PCDH12: variants seen among roughly 807,000 people sequenced by gnomAD.
The protein encoded by PCDH12 is protocadherin-12.
A neutral mutation model predicts 70.9 loss-of-function variants in PCDH12; 45 were observed. The ratio of observed to expected loss-of-function variants is 0.63; its 90% CI spans 0.50 to 0.81. PCDH12 has a LOEUF of 0.81. Ranked by LOEUF, PCDH12 falls within the 40% of genes least tolerant of loss-of-function variation. The pLI, the probability that PCDH12 is intolerant of heterozygous loss-of-function variation, is 0.00. For missense variants in PCDH12, 1,370 were observed against 1,491.7 expected, an observed-to-expected ratio of 0.92 and a Z score of 1.34; for synonymous variants, 567 against 626.0, an observed-to-expected ratio of 0.91 and a Z score of 1.41.
At chr5:141,954,433 A>G (rs750854596) in intron 1 of PCDH12, among the ~76,000 whole-genome samples, 1 of 152,228 alleles carries the variant, frequency 6.6e-6, no homozygotes, top group Non-Finnish European at 1.5e-5. Flanking sequence ...TACTGACTAC[A>G]TGTCAGATGG....
In PCDH12 at chr5:141,949,460, CTCT is replaced by C. The variant is rs1466972376; in HGVS notation, c.3099_3101del (p.Glu1034del). 4.3e-6 allele frequency: 7 copies of C among 1,613,826 alleles called. No individual in the cohort carries two copies. Among genetic ancestry groups the C allele is most frequent in the Non-Finnish European group, 5.9e-6 (7 of 1,179,914 alleles). On this transcript the variant is annotated inframe_deletion, in exon 3 of 4. Transcript: ENST00000231484. Reference sequence around the variant, plus strand: ...TGCTGGGGTCCAGCAGACTTGACAGCTCTTCTTCTAGCAGTTGCTTCACAGAGA... The same window carrying C: ...TGCTGGGGTCCAGCAGACTTGACAGCTCTTCTAGCAGTTGCTTCACAGAGA...
Position 141,943,754 on chromosome 5 carries a change from G to A in PCDH12, c.*1627C>T, listed in dbSNP as rs547334364. ...TCTCACTGGCCCACAGAACCCAACA[G>A]TTCTGTGATCCAGCCTGAAAATCAC... On this transcript the variant is annotated 3_prime_UTR_variant, in exon 4 of 4. Transcript: ENST00000231484. The A allele has an allele frequency of 6.6e-6, 1 of 152,110 alleles. No individual in the cohort carries two copies. Among genetic ancestry groups the A allele is most frequent in the Non-Finnish European group, 1.5e-5 (1 of 68,024 alleles). 9.4% of individuals were successfully genotyped at this position (152,110 alleles called of 1,614,324 possible).
rs202168396 is a variant in PCDH12 at position 141,945,771 on chromosome 5, C to G, written c.3165G>C (p.Pro1055=). 1.2e-6 allele frequency: 2 copies of G among 1,613,574 alleles called. No homozygotes were observed. The highest frequency in any genetic ancestry group is 8.5e-7 in the Non-Finnish European group (1 of 1,179,944). ...GCAAAGAGAGTCTCGCCATCCAGGC[C>G]GGGTCAGGGGCGCTCAGCCGGTCCA... ...LALDRLSAPD[P]AWMARLSLPL... The change falls in exon 4 of 4, where the codon CCG becomes CCC. Residue 1055 remains proline (P), a synonymous_variant. Transcript: ENST00000231484.
At chr5:141,949,121 G>C (rs1391302490) in intron 3 of PCDH12, among the ~76,000 whole-genome samples, 1 of 151,900 alleles carries the variant, frequency 6.6e-6, no homozygotes, top group African/African-American at 2.4e-5. Context: ...CTACTTGGGA[G>C]GCTAAGGTGG....
In PCDH12 at chr5:141,957,150, G is replaced by A. The variant is rs761994268; in HGVS notation, c.702C>T (p.Val234=). The change falls in exon 1 of 4, where the codon GTC becomes GTT. Residue 234 remains valine, a synonymous_variant. Coordinates refer to ENST00000231484, the MANE Select transcript of PCDH12 (RefSeq NM_016580.4). This position sits in a 1 kb window ranked among gnomAD's most constrained non-coding sequence, Gnocchi z 4.3. The part of the protein sequence containing the change: ...KSGTSLVKVN[V]LDSNDNSPAF... ...CAGGGCTATTGTCATTGGAGTCCAAGACGTTGACCTTGACCAAGCTGGTAC... is the reference window on the plus strand; with the variant it reads ...CAGGGCTATTGTCATTGGAGTCCAAAACGTTGACCTTGACCAAGCTGGTAC... 2 of 1,614,196 alleles carry A rather than the reference G, an allele frequency of 1.2e-6. No individual in the cohort carries two copies. The highest frequency in any genetic ancestry group is 1.7e-6 in the Non-Finnish European group (2 of 1,180,024).
Position 141,956,459 on chromosome 5 carries a change from A to G in PCDH12, c.1393T>C (p.Tyr465His). ...DNAPVFEKSR[Y>H]EVSTRENNLP... ...TTGTTTTCCCGCGTGGAGACTTCAT[A>G]CCTGCTTTTCTCAAACACAGGTGCA... Residue 465 changes from tyrosine to histidine, a missense_variant, in exon 1 of 4, where the codon TAT becomes CAT. By Grantham distance (83) the Tyr-to-His change is moderately conservative. Coordinates refer to ENST00000231484, the MANE Select transcript of PCDH12 (RefSeq NM_016580.4). 6.2e-7 allele frequency: 1 copy of G among 1,614,212 alleles called. No homozygotes were observed. The highest frequency in any genetic ancestry group is 1.1e-5 in the South Asian group (1 of 91,088).
Position 141,956,936 on chromosome 5 carries a change from G to A in PCDH12, c.916C>T (p.Leu306=). The A allele has an allele frequency of 6.2e-7, 1 of 1,614,158 alleles. No individual in the cohort carries two copies. Among genetic ancestry groups the A allele is most frequent in the Non-Finnish European group, 8.5e-7 (1 of 1,180,022 alleles). ...SIDAKTGQVI[L]RRPLDYEKNP... ...TTTTCATAGTCTAGAGGTCGACGCAGAATGACCTGGCCTGTCTTGGCATCA... is the reference window on the plus strand; with the variant it reads ...TTTTCATAGTCTAGAGGTCGACGCAAAATGACCTGGCCTGTCTTGGCATCA... Residue 306 remains leucine (L), a synonymous_variant, in exon 1 of 4, where the codon CTG becomes TTG. Coordinates refer to ENST00000231484, the MANE Select transcript of PCDH12 (RefSeq NM_016580.4).
intron 1 of PCDH12, among the ~76,000 whole-genome samples, chr5:141,951,972 C>A (rs755162168): frequency 6.6e-6 from 1 of 152,256 alleles, no homozygotes; most frequent in African/African-American, 2.4e-5. Flanking sequence ...TCCCCTTTAG[C>A]AGTATTTGGA....
intron 2 of PCDH12, 35 bp downstream of exon 2, chr5:141,951,458 C>A (rs1189156365): frequency 2.0e-6 from 3 of 1,511,852 alleles, no homozygotes; most frequent in Non-Finnish European, 2.8e-6. Flanking sequence ...CCAGTAGGGG[C>A]CTTGAGATGC....
At chr5:141,946,812 C>T (rs1218568609) in intron 3 of PCDH12, among the ~76,000 whole-genome samples, 3 of 151,378 alleles carry the variant, frequency 2.0e-5, no homozygotes, top group African/African-American at 7.3e-5. Context: ...AATCCTGTTT[C>T]AAGAAACCAG....
Position 141,945,273 on chromosome 5 carries a change from A to G in PCDH12, c.*108T>C. The G allele has an allele frequency of 7.3e-7, 1 of 1,375,120 alleles. No homozygotes were observed. The highest frequency in any genetic ancestry group is 2.2e-5 in the Admixed American group (1 of 45,018). The allele number at this position is 1,375,120 out of a possible 1,614,324, so 85.2% of individuals were successfully genotyped here. A position where few individuals can be genotyped will look rare whatever the true frequency, so the allele number is the denominator to read the frequency against. On this transcript the variant is annotated 3_prime_UTR_variant, in exon 4 of 4. Coordinates refer to ENST00000231484, the MANE Select transcript of PCDH12 (RefSeq NM_016580.4). ...GTGGGGGTAGCATCAGTCACCCTAA[A>G]GTTCTCAGGCCGCCGCTAGCTAGTG...
rs772311470 is a variant in PCDH12 at position 141,957,521 on chromosome 5, G to A, written c.331C>T (p.Leu111Phe). The change falls in exon 1 of 4, where the codon CTT (leucine) becomes TTT (phenylalanine). Residue 111 changes from leucine (L) to phenylalanine (F), a missense_variant. Physicochemically the swap from Leu to Phe is conservative, Grantham distance 22. Transcript: ENST00000231484. This position sits in a 1 kb window ranked among gnomAD's most constrained non-coding sequence, Gnocchi z 4.3. The stretch of plus-strand genomic sequence containing the variant: ...ATCAGAGCCAAATCCCCTGTGGCAA[G>A]CACATCAAAGGAAACCAGGCAGGGA... ...WDPCLVSFDV[L>F]ATGDLALIHV... is the part of the protein sequence containing the mutation. 6 of 1,614,182 alleles carry A rather than the reference G, an allele frequency of 3.7e-6. No homozygotes were observed. The highest frequency in any genetic ancestry group is 5.1e-6 in the Non-Finnish European group (6 of 1,180,020).
In PCDH12 at chr5:141,957,805, C is replaced by A. The variant is rs1473432861; in HGVS notation, c.47G>T (p.Gly16Val). 2.5e-6 allele frequency: 4 copies of A among 1,603,060 alleles called. No homozygotes were observed. The African/African-American group carries it at 5.3e-5, about 21-fold the overall frequency. Residue 16 changes from glycine (G) to valine (V), a missense_variant, in exon 1 of 4, where the codon GGC (glycine) becomes GTC (valine). By Grantham distance (109) the Gly-to-Val change is moderately radical. Coordinates refer to ENST00000231484, the MANE Select transcript of PCDH12 (RefSeq NM_016580.4). The surrounding 1 kb of genome is among the most constrained non-coding windows in gnomAD (Gnocchi z 4.3). ...ACAATCCCCTAAAAGAAATAAGTAG[C>A]CACCTGGCCCCAAAAGCCCCAGCAG... ...QLLLGLLGPGGYLFLLGDCQE... is the reference protein window; with the variant it reads ...QLLLGLLGPGVYLFLLGDCQE...
intron 3 of PCDH12, among the ~76,000 whole-genome samples, chr5:141,947,219 C>T (rs1426593254): frequency 6.6e-6 from 1 of 152,258 alleles, no homozygotes; most frequent in Non-Finnish European, 1.5e-5. Flanking sequence ...TCCTGCCCTA[C>T]TGGATCCTTG....
Position 141,955,331 on chromosome 5 carries a change from C to T in PCDH12, c.2521G>A (p.Val841Met). 6.2e-7 allele frequency: 1 copy of T among 1,614,208 alleles called. No individual in the cohort carries two copies. The highest frequency in any genetic ancestry group is 8.5e-7 in the Non-Finnish European group (1 of 1,180,030). The stretch of plus-strand genomic sequence containing the variant: ...AGGAGGTTGACCGTGTCTTGCAGCA[C>T]CTCTCGGCTCTCCGCCGGTGCTCCC... Reference protein sequence around the residue: ...NQGAPAESREVLQDTVNLLFN... With the variant: ...NQGAPAESREMLQDTVNLLFN... The change falls in exon 1 of 4, where the codon GTG becomes ATG. Residue 841 changes from valine (V) to methionine (M), a missense_variant. Physicochemically the swap from Val to Met is conservative, Grantham distance 21. Coordinates refer to ENST00000231484, the MANE Select transcript of PCDH12 (RefSeq NM_016580.4). The surrounding 1 kb of genome is among the most constrained non-coding windows in gnomAD (Gnocchi z 5.5).
chr5:141,957,162 G>A lies in PCDH12; in HGVS notation c.690C>T (p.Val230=). Residue 230 remains valine, a synonymous_variant, in exon 1 of 4, where the codon GTC becomes GTT. Transcript: ENST00000231484. The surrounding 1 kb of genome is among the most constrained non-coding windows in gnomAD (Gnocchi z 4.3). ...CATTGGAGTCCAAGACGTTGACCTT[G>A]ACCAAGCTGGTACCTGACTTGGGGG... ...GNPPKSGTSL[V]KVNVLDSNDN... is the part of the protein sequence containing the mutation. 1 of 1,614,194 alleles carries A rather than the reference G, an allele frequency of 6.2e-7. No homozygotes were observed. Among genetic ancestry groups the A allele is most frequent in the South Asian group, 1.1e-5 (1 of 91,078 alleles).
Position 141,958,078 on chromosome 5 carries a change from C to G in PCDH12, c.-227G>C, listed in dbSNP as rs577261624. ...TGTCCAAACGCCGATCAAGAATTGCCAGGGGAGACCCCCTACTGGGGAACT... is the reference window on the plus strand; with the variant it reads ...TGTCCAAACGCCGATCAAGAATTGCGAGGGGAGACCCCCTACTGGGGAACT... On this transcript the variant is annotated 5_prime_UTR_variant, in exon 1 of 4. Coordinates refer to ENST00000231484, the MANE Select transcript of PCDH12 (RefSeq NM_016580.4). 2.5e-5 allele frequency: 14 copies of G among 564,978 alleles called. No individual in the cohort carries two copies. Among genetic ancestry groups the G allele is most frequent in the African/African-American group, 5.6e-5 (3 of 53,510 alleles). 35.0% of individuals were successfully genotyped at this position (564,978 alleles called of 1,614,324 possible).
chr5:141,945,918 G>T lies in PCDH12; in HGVS notation c.3131-113C>A, dbSNP rs970599407. On this transcript the variant is annotated intron_variant, in intron 3 of 3. Transcript: ENST00000231484. Reference sequence around the variant, plus strand: ...GTGGACAAAGGAGGGAAGGGAAATGGCAGGGGACAGACAGAGTGGCCAGAC... The same window carrying T: ...GTGGACAAAGGAGGGAAGGGAAATGTCAGGGGACAGACAGAGTGGCCAGAC... 4 of 957,254 alleles carry T rather than the reference G, an allele frequency of 4.2e-6. No homozygotes were observed. In the Admixed American group the frequency reaches 9.9e-5, roughly 24 times the overall value. The allele number at this position is 957,254 out of a possible 1,614,324, so 59.3% of individuals were successfully genotyped here.
Position 141,955,290 on chromosome 5 carries a change from C to T in PCDH12, c.2562G>A (p.Arg854=). Residue 854 remains arginine (R), a synonymous_variant, in exon 1 of 4, where the codon AGG becomes AGA. Transcript: ENST00000231484. This position sits in a 1 kb window ranked among gnomAD's most constrained non-coding sequence, Gnocchi z 5.5. Reference sequence around the variant, plus strand: ...GGTTCTCCCGGGAGGCATTCCTCTGCCTGGGATGGTTGAAAAGGAGGTTGA... The same window carrying T: ...GGTTCTCCCGGGAGGCATTCCTCTGTCTGGGATGGTTGAAAAGGAGGTTGA... ...DTVNLLFNHP[R]QRNASRENLN... 6.2e-7 allele frequency: 1 copy of T among 1,614,168 alleles called. No homozygotes were observed.
Sources: allele counts gnomAD v4.1 joint callset (sites outside exome capture counted in the v4.1 genomes callset), GRCh38; gene constraint gnomAD v4.1.1; non-coding constraint Gnocchi (gnomAD v3.1); transcripts MANE v1.5; gene names NCBI Gene and HGNC (gene_info 2026-07-23, HGNC 2026-07-21).